The following TMEM87A variants were observed in gnomAD, a reference collection of about 807,000 sequenced individuals.
The protein encoded by TMEM87A is transmembrane protein 87A, also known as Golgi-pH regulating cation channel.
TMEM87A carries 50 observed loss-of-function variants against 90.0 expected under a neutral mutation model. The ratio of observed to expected loss-of-function variants is 0.56; its 90% CI spans 0.44 to 0.70. The LOEUF is 0.70. Ranked by LOEUF, TMEM87A falls within the 30% of genes least tolerant of loss-of-function variation. The pLI, the probability that TMEM87A is intolerant of heterozygous loss-of-function variation, is 0.00. For synonymous variants in TMEM87A, 226 were observed against 226.7 expected, an observed-to-expected ratio of 1.00 and a Z score of 0.03; for missense variants, 577 against 660.5, an observed-to-expected ratio of 0.87 and a Z score of 1.39.
chr15:42,268,134 G>C (rs1381349775), intron 2 of TMEM87A, 102 bp from the exon 3 acceptor site: 3 of 790,696 alleles, frequency 3.8e-6, no homozygotes, highest in African/African-American at 3.5e-5. Context: ...CCTAAACTGA[G>C]ATACTCAAAG....
chr15:42,218,735 C>T (rs891395451), intron 17 of TMEM87A, among the ~76,000 whole-genome samples: 1 of 152,148 alleles, frequency 6.6e-6, no homozygotes, highest in Admixed American at 6.5e-5. Flanking sequence ...TTGCGAATGA[C>T]AAGATTTCCT....
chr15:42,235,167 T>G (rs889771838), intron 10 of TMEM87A, among the ~76,000 whole-genome samples: 2 of 152,198 alleles, frequency 1.3e-5, no homozygotes, highest in Non-Finnish European at 2.9e-5. Context: ...GCCTTCCAAG[T>G]AGCTGGGACT....
At chr15:42,246,964 T>C (rs962802555) in intron 6 of TMEM87A, among the ~76,000 whole-genome samples, 2 of 152,214 alleles carry the variant, frequency 1.3e-5, no homozygotes, top group Non-Finnish European at 2.9e-5. Flanking sequence ...TGTTGTTTCC[T>C]GACTTTTTAC....
At chr15:42,227,528 A>G in intron 14 of TMEM87A, 183 bp downstream of exon 14, 1 of 522,426 alleles carries the variant, frequency 1.9e-6, no homozygotes, top group African/African-American at 1.9e-5. Flanking sequence ...ACAAAAAACT[A>G]CTATACCAAG....
At chr15:42,228,925 A>G (rs2050642274) in intron 12 of TMEM87A, 105 bp from the exon 13 acceptor site, 1 of 730,190 alleles carries the variant, frequency 1.4e-6, no homozygotes, top group South Asian at 1.9e-5. Flanking sequence ...AAACTTATAG[A>G]TCTCTCAGAG....
rs1716679223 is a variant in TMEM87A at position 42,211,508 on chromosome 15, T to G, written c.*200A>C. 3.8e-6 allele frequency: 2 copies of G among 526,328 alleles called. No individual in the cohort carries two copies. Among genetic ancestry groups the G allele is most frequent in the Admixed American group, 3.2e-5 (1 of 31,070 alleles). 32.6% of individuals were successfully genotyped at this position (526,328 alleles called of 1,614,324 possible). A position where few individuals can be genotyped will look rare whatever the true frequency, so the allele number is the denominator to read the frequency against. On this transcript the variant is annotated 3_prime_UTR_variant, in exon 20 of 20. Coordinates refer to ENST00000389834, the MANE Select transcript of TMEM87A (RefSeq NM_015497.5). ...TGTTGTAAATAAGAAGCTCGTAGAT[T>G]TTTCTCATCTTATGAACTTGTTTTC...
At chr15:42,221,979 T>C (rs1387308756) in intron 15 of TMEM87A, among the ~76,000 whole-genome samples, 4 of 152,100 alleles carry the variant, frequency 2.6e-5, no homozygotes, top group East Asian at 1.9e-4. Flanking sequence ...GGTCTCAAAC[T>C]CCTGGGCTCA....
intron 1 of TMEM87A, 192 bp downstream of exon 1, chr15:42,273,063 G>T (rs2051579386): frequency 2.8e-6 from 2 of 711,914 alleles, no homozygotes; most frequent in African/African-American, 1.8e-5. Context: ...TTACATTCCC[G>T]CTAGCCTAAT....
intron 3 of TMEM87A, among the ~76,000 whole-genome samples, chr15:42,264,683 G>GTGTATATATATATA (rs1449477404): frequency 1.7e-5 from 2 of 116,368 alleles, no homozygotes; most frequent in African/African-American, 6.0e-5. Context: ...ATATGTGTGT[G>GTGTATATATATATA]TATATATATA....
intron 6 of TMEM87A, among the ~76,000 whole-genome samples, chr15:42,245,852 C>T (rs1189003126): frequency 2.0e-5 from 3 of 152,128 alleles, no homozygotes; most frequent in Non-Finnish European, 4.4e-5. Flanking sequence ...ATTTTTACAT[C>T]CTCACAGCAG....
chr15:42,230,049 C>T (rs1323002068), intron 12 of TMEM87A, among the ~76,000 whole-genome samples: 2 of 152,182 alleles, frequency 1.3e-5, no homozygotes, highest in African/African-American at 2.4e-5. Context: ...TGGTCTCAAA[C>T]TCCTGAGCTT....
At chr15:42,223,950 T>C (rs755960023) in intron 15 of TMEM87A, among the ~76,000 whole-genome samples, 8 of 151,842 alleles carry the variant, frequency 5.3e-5, no homozygotes, top group Non-Finnish European at 1.2e-4. Flanking sequence ...CTGGAAATAC[T>C]TTAAAAATTA....
intron 6 of TMEM87A, among the ~76,000 whole-genome samples, chr15:42,256,867 G>A (rs927509145): frequency 5.9e-5 from 9 of 152,048 alleles, no homozygotes; most frequent in African/African-American, 1.4e-4. Flanking sequence ...ACAGGTGCAC[G>A]TGCCACCTTC....
chr15:42,247,524 C>CT (rs2140957738), intron 6 of TMEM87A, among the ~76,000 whole-genome samples: 1 of 152,292 alleles, frequency 6.6e-6, no homozygotes, highest in South Asian at 2.1e-4. Flanking sequence ...GTTTTCCCAG[C>CT]ACCATTTATT....
intron 15 of TMEM87A, among the ~76,000 whole-genome samples, chr15:42,221,301 G>C (rs1014068128): frequency 1.6e-4 from 24 of 151,264 alleles, no homozygotes; most frequent in African/African-American, 5.4e-4. Flanking sequence ...GAGAGACAGA[G>C]AGAGAGAGAC....
At chr15:42,255,936 A>AT (rs10632070) in intron 6 of TMEM87A, among the ~76,000 whole-genome samples, 1,618 of 140,482 alleles carry the variant, frequency 0.012, 21 homozygotes, top group African/African-American at 0.03. Context: ...CACCCAGCTA[A>AT]TTTTTTTTTT....
chr15:42,251,933 C>G (rs1047779924), intron 6 of TMEM87A, among the ~76,000 whole-genome samples: 2 of 152,224 alleles, frequency 1.3e-5, no homozygotes, highest in Non-Finnish European at 2.9e-5. Context: ...CGCTTTTTTA[C>G]CTACTCAAGC....
chr15:42,214,266 C>T (rs946666902), intron 19 of TMEM87A, among the ~76,000 whole-genome samples: 4 of 152,024 alleles, frequency 2.6e-5, no homozygotes, highest in African/African-American at 9.7e-5. Flanking sequence ...TAACACTAAT[C>T]CTTCTTAAAC....
In TMEM87A at chr15:42,267,961, T is replaced by G. The variant is rs369283413; in HGVS notation, c.277A>C (p.Ile93Leu). ...YLKSADCYNE[I>L]YNFKAEEVEL... ...ATGTTCCTTACCTTGAAGTTATAGA[T>G]TTCATTGTAACAATCAGCGCTTTTC... Residue 93 changes from isoleucine (I) to leucine (L), a missense_variant, in exon 3 of 20, where the codon ATC (isoleucine) becomes CTC (leucine). Transcript: ENST00000389834. 76 of 1,613,014 alleles carry G rather than the reference T, an allele frequency of 4.7e-5. No homozygotes were observed. Among genetic ancestry groups the G allele is most frequent in the Non-Finnish European group, 6.2e-5 (73 of 1,179,506 alleles).
Sources: allele counts gnomAD v4.1 joint callset (sites outside exome capture counted in the v4.1 genomes callset), GRCh38; gene constraint gnomAD v4.1.1; transcripts MANE v1.5; gene names NCBI Gene and HGNC (gene_info 2026-07-23, HGNC 2026-07-21).